CDH18: variants seen among roughly 807,000 people sequenced by gnomAD.
CDH18 encodes the protein cadherin 18.
Under a neutral mutation model 67.9 loss-of-function variants are expected in CDH18, and 31 were observed. That is an observed-to-expected ratio of 0.46 (90% CI 0.34 to 0.62). The LOEUF (loss-of-function observed/expected upper bound fraction) is 0.62. Ranked by LOEUF, CDH18 falls within the 20% of genes least tolerant of loss-of-function variation. CDH18 has a pLI of 0.01. For missense variants in CDH18, 890 were observed against 975.5 expected, an observed-to-expected ratio of 0.91 and a Z score of 1.17; for synonymous variants, 362 against 347.2, an observed-to-expected ratio of 1.04 and a Z score of -0.48.
intron 2 of CDH18, among the ~76,000 whole-genome samples, chr5:20,190,568 T>G (rs1410148453): frequency 6.6e-6 from 1 of 152,114 alleles, no homozygotes; most frequent in Non-Finnish European, 1.5e-5. Flanking sequence ...TTTTTCCAGT[T>G]GCTGGCTCAG....
At chr5:20,052,209 G>T (rs538537920) in intron 2 of CDH18, among the ~76,000 whole-genome samples, 5 of 152,082 alleles carry the variant, frequency 3.3e-5, no homozygotes, top group Non-Finnish European at 5.9e-5. Flanking sequence ...TAGAGATGGG[G>T]TTGCCTGACT....
chr5:20,370,852 C>T (rs1742932708), intron 1 of CDH18, among the ~76,000 whole-genome samples: 1 of 151,972 alleles, frequency 6.6e-6, no homozygotes, highest in Non-Finnish European at 1.5e-5. Context: ...GCCTGGCCAA[C>T]ATGATGAAAC....
intron 1 of CDH18, among the ~76,000 whole-genome samples, chr5:20,530,372 G>GA (rs923038474): frequency 1.1e-4 from 16 of 149,986 alleles, no homozygotes; most frequent in South Asian, 4.2e-4. Flanking sequence ...CACACAATTA[G>GA]AAAAAAAAAC....
At chr5:20,075,615 A>C (rs944187594) in intron 2 of CDH18, among the ~76,000 whole-genome samples, 2 of 152,236 alleles carry the variant, frequency 1.3e-5, no homozygotes, top group African/African-American at 4.8e-5. Context: ...AAAATTAAAA[A>C]GTAAAAGAAC....
intron 2 of CDH18, among the ~76,000 whole-genome samples, chr5:20,116,642 T>C (rs1747938519): frequency 6.6e-6 from 1 of 152,206 alleles, no homozygotes; most frequent in African/African-American, 2.4e-5. Flanking sequence ...CCAATTTACT[T>C]CTTTTCTAAT....
At chr5:19,530,985 C>T (rs1420779114) in intron 9 of CDH18, among the ~76,000 whole-genome samples, 1 of 152,128 alleles carries the variant, frequency 6.6e-6, no homozygotes, top group Non-Finnish European at 1.5e-5. Context: ...TCTGGCACTC[C>T]CTAGTGAGAT....
intron 2 of CDH18, among the ~76,000 whole-genome samples, chr5:20,057,476 C>CATTATTAATTATT (rs1385073316): frequency 2.0e-5 from 3 of 152,100 alleles, no homozygotes; most frequent in Non-Finnish European, 4.4e-5. Flanking sequence ...TTTGTTCACT[C>CATTATTAATTATT]ATTATTAATT....
intron 1 of CDH18, among the ~76,000 whole-genome samples, chr5:20,357,114 T>C (rs1177130736): frequency 6.6e-6 from 1 of 151,884 alleles, no homozygotes; most frequent in African/African-American, 2.4e-5. Context: ...TGACACTTTA[T>C]GAGAAAAAAA....
At chr5:19,586,448 A>G (rs1353461789) in intron 7 of CDH18, among the ~76,000 whole-genome samples, 1 of 152,112 alleles carries the variant, frequency 6.6e-6, no homozygotes, top group African/African-American at 2.4e-5. Flanking sequence ...TATAAGTCAG[A>G]GCACGTCGTA....
chr5:20,177,656 T>C (rs1017888773), intron 2 of CDH18, among the ~76,000 whole-genome samples: 1 of 152,070 alleles, frequency 6.6e-6, no homozygotes, highest in Non-Finnish European at 1.5e-5. Context: ...ATTACCATCC[T>C]GATATGGTTC....
intron 5 of CDH18, among the ~76,000 whole-genome samples, chr5:19,720,936 C>T (rs370147144): frequency 6.6e-6 from 1 of 152,008 alleles, no homozygotes; most frequent in Non-Finnish European, 1.5e-5. Context: ...CAAGCAAAAT[C>T]AATGTAGGAA....
At chr5:19,509,676 T>A (rs1399913395) in intron 10 of CDH18, among the ~76,000 whole-genome samples, 1 of 152,184 alleles carries the variant, frequency 6.6e-6, no homozygotes, top group African/African-American at 2.4e-5. Context: ...AAATTTCTTT[T>A]ATGTGTTATT....
At chr5:20,358,198 G>A (rs1439072023) in intron 1 of CDH18, among the ~76,000 whole-genome samples, 1 of 152,170 alleles carries the variant, frequency 6.6e-6, no homozygotes, top group African/African-American at 2.4e-5. Context: ...ACTACCTGTT[G>A]GGTACTATGC....
At chr5:20,158,877 C>A in intron 2 of CDH18, 1 of 202,560 alleles carries the variant, frequency 4.9e-6, no homozygotes, top group East Asian at 1.3e-4. Flanking sequence ...GTTATCATTC[C>A]CTGAATGGGA....
chr5:20,276,114 G>T (rs1745792495), intron 1 of CDH18, among the ~76,000 whole-genome samples: 2 of 152,220 alleles, frequency 1.3e-5, no homozygotes, highest in South Asian at 4.1e-4. Flanking sequence ...TAGGCCAAAA[G>T]AACTGCAATT....
chr5:20,462,796 A>G (rs62355171), intron 1 of CDH18, among the ~76,000 whole-genome samples: 30,073 of 152,078 alleles, frequency 0.2, 3,795 homozygotes, highest in East Asian at 0.39. Context: ...GAAGAAGGGC[A>G]AATGACTTGT....
chr5:19,888,406 A>G (rs1276466033), intron 2 of CDH18, among the ~76,000 whole-genome samples: 1 of 152,042 alleles, frequency 6.6e-6, no homozygotes, highest in African/African-American at 2.4e-5. Context: ...GGAATTTTGT[A>G]TGTGTGTAAG....
chr5:19,491,478 C>T (rs900173938), intron 11 of CDH18, among the ~76,000 whole-genome samples: 5 of 152,150 alleles, frequency 3.3e-5, no homozygotes, highest in African/African-American at 1.2e-4. Flanking sequence ...ACAAATCTGG[C>T]AATGCCAAAG....
intron 1 of CDH18, among the ~76,000 whole-genome samples, chr5:20,413,769 T>C (rs1747014002): frequency 6.6e-6 from 1 of 152,224 alleles, no homozygotes; most frequent in Non-Finnish European, 1.5e-5. Flanking sequence ...GGTTGCCTGT[T>C]CACTCTGATA....
Sources: gnomAD v4.1 joint callset for allele counts (sites outside exome capture counted in the v4.1 genomes callset) on GRCh38, gnomAD v4.1.1 for gene constraint, MANE v1.5 for transcripts, NCBI Gene and HGNC (gene_info 2026-07-23, HGNC 2026-07-21) for gene names.